NELL1: variants seen among roughly 807,000 people sequenced by gnomAD.
NELL1 encodes the protein protein kinase C-binding protein NELL1.
A neutral mutation model predicts 107.4 loss-of-function variants in NELL1; 76 were observed. The ratio of observed to expected loss-of-function variants is 0.71; its 90% CI spans 0.59 to 0.86. NELL1 has a LOEUF of 0.86. NELL1 is among the 40% of genes least tolerant of loss of function. NELL1 has a pLI of 0.00. For synonymous variants in NELL1, 353 were observed against 341.2 expected (o/e 1.03, Z -0.38); for missense variants, 1,024 against 1,005.5 (o/e 1.02, Z -0.25).
At chr11:20,767,947 G>A (rs1333107334) in intron 2 of NELL1, among the ~76,000 whole-genome samples, 1 of 152,118 alleles carries the variant, frequency 6.6e-6, no homozygotes, top group African/African-American at 2.4e-5. Context: ...AAATATAAGA[G>A]CTATACTGGA....
At chr11:21,309,302 A>G (rs867867357) in intron 14 of NELL1, among the ~76,000 whole-genome samples, 3 of 127,908 alleles carry the variant, frequency 2.3e-5, no homozygotes, top group African/African-American at 6.0e-5. Context: ...ATATATATGT[A>G]TATATATATA....
chr11:21,435,620 A>T (rs1339622958), intron 15 of NELL1, among the ~76,000 whole-genome samples: 1 of 151,614 alleles, frequency 6.6e-6, no homozygotes, highest in South Asian at 2.1e-4. Flanking sequence ...CATTCTGTTG[A>T]TCACATTATT....
chr11:20,846,215 G>T (rs1848698934), intron 3 of NELL1, among the ~76,000 whole-genome samples: 1 of 152,144 alleles, frequency 6.6e-6, no homozygotes, highest in Admixed American at 6.5e-5. Context: ...TGGGTCAGAG[G>T]CTGGTCTTGA....
chr11:20,937,722 G>T (rs1850755968), intron 9 of NELL1, 64 bp from the exon 10 acceptor site: 1 of 1,135,226 alleles, frequency 8.8e-7, no homozygotes, highest in Non-Finnish European at 1.3e-6. Flanking sequence ...GAGTTAGAAG[G>T]TACCTCTGAG....
intron 12 of NELL1, among the ~76,000 whole-genome samples, chr11:21,013,696 G>C (rs765842968): frequency 1.1e-4 from 16 of 152,092 alleles, no homozygotes; most frequent in Non-Finnish European, 2.1e-4. Context: ...CATAAGCTTA[G>C]TACAGTACTT....
chr11:20,913,525 G>A (rs969137369), intron 5 of NELL1, among the ~76,000 whole-genome samples: 3 of 151,906 alleles, frequency 2.0e-5, no homozygotes, highest in African/African-American at 4.8e-5. Flanking sequence ...AATGAGAAAC[G>A]TTCTAGGAAT....
intron 2 of NELL1, among the ~76,000 whole-genome samples, chr11:20,733,381 T>C (rs1855691079): frequency 6.6e-6 from 1 of 152,162 alleles, no homozygotes; most frequent in Non-Finnish European, 1.5e-5. Flanking sequence ...GCTTGGGAAG[T>C]TCTCCAGGAC....
chr11:21,239,609 T>C (rs1186649384), intron 14 of NELL1, among the ~76,000 whole-genome samples: 2 of 152,064 alleles, frequency 1.3e-5, no homozygotes, highest in East Asian at 1.9e-4. Flanking sequence ...AAACTCAGGA[T>C]CACTTTGTTC....
chr11:20,987,500 A>T (rs945124268), intron 12 of NELL1, among the ~76,000 whole-genome samples: 2 of 152,188 alleles, frequency 1.3e-5, no homozygotes, highest in Non-Finnish European at 2.9e-5. Context: ...GGAAGCAAAC[A>T]TGTCCTTCTT....
chr11:20,881,579 G>A lies in NELL1; in HGVS notation c.507-3865G>A, dbSNP rs142728023. On this transcript the variant is annotated intron_variant, in intron 4 of 19. Transcript: ENST00000357134. ...ATAGAAGCCCTCAATACACAATGTC[G>A]GCACACATTAAGTGTTGTATAAGTG... 5.6e-4 allele frequency among the ~76,000 whole-genome samples: 86 copies of A among 152,252 alleles called. No homozygotes were observed. The South Asian group carries it at 8.3e-3, about 15-fold the overall frequency.
Position 21,124,270 on chromosome 11 carries a change from A to G in NELL1, c.1426+10556A>G, listed in dbSNP as rs188913730. 1.3e-3 allele frequency among the ~76,000 whole-genome samples: 201 copies of G among 152,288 alleles called. 1 individual carries two copies. Among genetic ancestry groups the G allele is most frequent in the African/African-American group, 4.6e-3 (192 of 41,570 alleles). On this transcript the variant is annotated intron_variant, in intron 13 of 19. Transcript: ENST00000357134. Reference sequence around the variant, plus strand: ...TTTTTTTCCCCCCGAAGTCTCCTAAATGTTACCTCAGTAAATTAAAAAAAT... The same window carrying G: ...TTTTTTTCCCCCCGAAGTCTCCTAAGTGTTACCTCAGTAAATTAAAAAAAT...
At chr11:21,373,563 G>T (rs1341633405) in intron 15 of NELL1, among the ~76,000 whole-genome samples, 1 of 151,992 alleles carries the variant, frequency 6.6e-6, no homozygotes, top group Non-Finnish European at 1.5e-5. Flanking sequence ...TTCATTGCTT[G>T]CAATATTCAG....
chr11:20,715,864 G>C (rs1855238451), intron 2 of NELL1, among the ~76,000 whole-genome samples: 1 of 152,114 alleles, frequency 6.6e-6, no homozygotes, highest in African/African-American at 2.4e-5. Context: ...TGTAGCCTTT[G>C]TGGATATTTG....
At chr11:20,737,512 T>A (rs879159886) in intron 2 of NELL1, among the ~76,000 whole-genome samples, 1 of 152,170 alleles carries the variant, frequency 6.6e-6, no homozygotes, top group Non-Finnish European at 1.5e-5. Flanking sequence ...TCAGTTTTTT[T>A]AATGTGTTGT....
intron 14 of NELL1, among the ~76,000 whole-genome samples, chr11:21,318,556 G>A (rs1849931195): frequency 6.6e-6 from 1 of 151,920 alleles, no homozygotes; most frequent in South Asian, 2.1e-4. Context: ...CTTTCAGGAA[G>A]GACCTCACCC....
chr11:20,732,366 T>C (rs945080254), intron 2 of NELL1, among the ~76,000 whole-genome samples: 2 of 152,202 alleles, frequency 1.3e-5, no homozygotes, highest in Non-Finnish European at 2.9e-5. Flanking sequence ...GTTGCCTCTT[T>C]TACTGCATGG....
chr11:21,072,948 G>C (rs1854050542), intron 12 of NELL1, among the ~76,000 whole-genome samples: 1 of 152,134 alleles, frequency 6.6e-6, no homozygotes, highest in African/African-American at 2.4e-5. Context: ...ACAACACGCA[G>C]AAATGTGTCC....
At chr11:21,154,465 T>C (rs956505182) in intron 13 of NELL1, among the ~76,000 whole-genome samples, 3 of 152,190 alleles carry the variant, frequency 2.0e-5, no homozygotes, top group Non-Finnish European at 4.4e-5. Flanking sequence ...TAATTGATTA[T>C]TATCTGCCAG....
chr11:21,284,729 C>A (rs1392981977), intron 14 of NELL1: 1 of 347,420 alleles, frequency 2.9e-6, no homozygotes, highest in Non-Finnish European at 5.7e-6. Context: ...GGCAATGTGA[C>A]AATTTAGTCA....
Sources: allele counts gnomAD v4.1 joint callset (sites outside exome capture counted in the v4.1 genomes callset), GRCh38; gene constraint gnomAD v4.1.1; transcripts MANE v1.5; gene names NCBI Gene and HGNC (gene_info 2026-07-23, HGNC 2026-07-21).